NEBL: variants seen among roughly 807,000 people sequenced by gnomAD.
The protein encoded by NEBL is nebulette.
A neutral mutation model predicts 140.2 loss-of-function variants in NEBL; 122 were observed. The ratio of observed to expected loss-of-function variants is 0.87; its 90% CI spans 0.75 to 1.01. NEBL has a LOEUF of 1.01. Ranked by LOEUF, NEBL falls within the 50% of genes least tolerant of loss-of-function variation. NEBL has a pLI of 0.00. For missense variants in NEBL, 1,365 were observed against 1,231.3 expected (o/e 1.11, Z -1.62); for synonymous variants, 436 against 398.9 (o/e 1.09, Z -1.11).
intron 26 of NEBL, among the ~76,000 whole-genome samples, chr10:20,807,033 A>G (rs879889448): frequency 5.9e-5 from 9 of 152,156 alleles, no homozygotes; most frequent in African/African-American, 1.2e-4. Context: ...CGTCCAAAAA[A>G]AGTAATCAGA....
At position 21,173,822 on chromosome 10, in the gene NEBL, C is replaced by T. The variant is rs1421679117; in HGVS notation, c.12G>A (p.Gln4=). The T allele has an allele frequency of 6.2e-7, 1 of 1,612,494 alleles. No individual in the cohort carries two copies. Among genetic ancestry groups the T allele is most frequent in the Admixed American group, 1.7e-5 (1 of 60,004 alleles). The change falls in exon 1 of 7, where the codon CAG becomes CAA. Residue 4 remains glutamine, a synonymous_variant. Coordinates refer to the NEBL transcript ENST00000417816. This position sits in a 1 kb window ranked among gnomAD's most constrained non-coding sequence, Gnocchi z 5.7. ...ACACGACTTTTCCGCAACGGGCGCACTGGGGGTTCATGATCGCGGTTCCCG... is the reference window on the plus strand; with the variant it reads ...ACACGACTTTTCCGCAACGGGCGCATTGGGGGTTCATGATCGCGGTTCCCG...
intron 2 of NEBL, among the ~76,000 whole-genome samples, chr10:21,068,617 G>A (rs1037194194): frequency 3.9e-5 from 6 of 152,128 alleles, no homozygotes; most frequent in South Asian, 4.1e-4. Flanking sequence ...CATAGACCCC[G>A]GACCCATGGG....
intron 3 of NEBL, among the ~76,000 whole-genome samples, chr10:21,214,450 CAT>C (rs910248770): frequency 2.0e-5 from 3 of 152,096 alleles, no homozygotes; most frequent in Admixed American, 2.0e-4. Context: ...CCCATACACA[CAT>C]GGCACACACA....
intron 3 of NEBL, among the ~76,000 whole-genome samples, chr10:21,205,942 T>G (rs573728478): frequency 1.3e-5 from 2 of 152,226 alleles, no homozygotes; most frequent in Non-Finnish European, 2.9e-5. Context: ...AATGCATCAG[T>G]AGGACTGCTA....
chr10:21,281,820 C>T (rs1842997407), intron 1 of NEBL, among the ~76,000 whole-genome samples: 1 of 152,182 alleles, frequency 6.6e-6, no homozygotes, highest in African/African-American at 2.4e-5. Flanking sequence ...CTGTCCTCCC[C>T]CTTCTCATCC....
rs867653069 is a variant in NEBL, at chr10:20,785,848, C to T, written c.2944G>A (p.Val982Ile). Residue 982 changes from valine to isoleucine, a missense_variant, in exon 28 of 28, where the codon GTC becomes ATC. Physicochemically the swap from Val to Ile is conservative, Grantham distance 29. This residue lies in a region of NEBL where 42 missense variants were observed against 76.5 expected (regional missense o/e 0.55). Transcript: ENST00000377122. ...EVSFRDGDYI[V>I]NVQPIDDGWM... ...CCATCGTCAATAGGCTGCACGTTGA[C>T]GATGTAGTCGCCGTCTCTAAAGGAG... The T allele has an allele frequency of 6.2e-6, 10 of 1,613,936 alleles. No individual in the cohort carries two copies. The highest frequency in any genetic ancestry group is 8.5e-6 in the Non-Finnish European group (10 of 1,179,986).
intron 3 of NEBL, among the ~76,000 whole-genome samples, chr10:20,987,604 T>C (rs1195803734): frequency 6.6e-6 from 1 of 152,154 alleles, no homozygotes; most frequent in East Asian, 1.9e-4. Context: ...CCAATAGCTG[T>C]GCTGCCTCCC....
intron 2 of NEBL, among the ~76,000 whole-genome samples, chr10:21,052,802 C>T (rs1319105114): frequency 1.3e-5 from 2 of 152,138 alleles, no homozygotes; most frequent in Non-Finnish European, 2.9e-5. Context: ...GGGAGGGCCA[C>T]CGGTGGTGCA....
At chr10:21,227,540 C>A (rs1441527773) in intron 3 of NEBL, among the ~76,000 whole-genome samples, 1 of 152,244 alleles carries the variant, frequency 6.6e-6, no homozygotes, top group African/African-American at 2.4e-5. Context: ...ACTTTCCACC[C>A]TCTCTGGCTG....
intron 2 of NEBL, among the ~76,000 whole-genome samples, chr10:21,112,490 C>T (rs1486932648): frequency 7.0e-6 from 1 of 143,584 alleles, no homozygotes; most frequent in Non-Finnish European, 1.5e-5. Context: ...ATCACAAGGA[C>T]AGAATACCAA....
intron 3 of NEBL, among the ~76,000 whole-genome samples, chr10:20,983,160 C>T (rs1380454103): frequency 6.6e-6 from 1 of 152,148 alleles, no homozygotes; most frequent in Non-Finnish European, 1.5e-5. Flanking sequence ...AGAAGCATGT[C>T]TCTTCACTTA....
At chr10:20,795,538 GGA>G (rs1479235881) in intron 26 of NEBL, among the ~76,000 whole-genome samples, 1 of 149,408 alleles carries the variant, frequency 6.7e-6, no homozygotes, top group African/African-American at 2.5e-5. Flanking sequence ...AAGTCTCTGG[GGA>G]GAGAGAGTGT....
intron 1 of NEBL, among the ~76,000 whole-genome samples, chr10:21,265,994 G>C (rs999025641): frequency 1.8e-4 from 28 of 152,160 alleles, no homozygotes; most frequent in African/African-American, 5.3e-4. Context: ...ATCCGTCATT[G>C]GTTAAAAATT....
At chr10:21,070,494 A>C (rs1431196002) in intron 2 of NEBL, among the ~76,000 whole-genome samples, 3 of 152,146 alleles carry the variant, frequency 2.0e-5, no homozygotes, top group African/African-American at 7.2e-5. Flanking sequence ...TCCTACTTGG[A>C]CTAAATCATG....
chr10:21,056,465 T>C (rs1835029791), intron 2 of NEBL, among the ~76,000 whole-genome samples: 1 of 152,048 alleles, frequency 6.6e-6, no homozygotes, highest in South Asian at 2.1e-4. Context: ...TAGGAAAAGG[T>C]TTTGGAGAAG....
chr10:20,826,646 G>T (rs1839906292), intron 17 of NEBL, 107 bp from the exon 18 acceptor site: 9 of 816,766 alleles, frequency 1.1e-5, no homozygotes, highest in South Asian at 5.7e-5. Flanking sequence ...TATGAATACT[G>T]CATCTATTTA....
chr10:21,126,068 C>A lies in NEBL; in HGVS notation c.164+46315G>T, dbSNP rs539284105. 5.1e-5 allele frequency: 82 copies of A among 1,614,142 alleles called. 2 individuals carry two copies. In the South Asian group the frequency reaches 7.9e-4, roughly 16 times the overall value. On this transcript the variant is annotated intron_variant, in intron 2 of 6. Transcript: ENST00000417816. ...CTTTGCAGCCTTCTGGTCTCCCCAA[C>A]CAGCTTCCTGGGAGGCCTCAGGCCC...
At chr10:21,081,417 A>G (rs1326556992) in intron 2 of NEBL, among the ~76,000 whole-genome samples, 1 of 152,178 alleles carries the variant, frequency 6.6e-6, no homozygotes, top group Non-Finnish European at 1.5e-5. Flanking sequence ...ACACATAGAA[A>G]AAACCAGGAG....
chr10:21,244,033 T>A (rs1034822903), intron 3 of NEBL, among the ~76,000 whole-genome samples: 1 of 152,048 alleles, frequency 6.6e-6, no homozygotes, highest in Admixed American at 6.6e-5. Flanking sequence ...ATGTTTTTTA[T>A]CAAGATGTGA....
Sources: gnomAD v4.1 joint callset for allele counts (sites outside exome capture counted in the v4.1 genomes callset) on GRCh38, gnomAD v4.1.1 for gene constraint, gnomAD v4.1.1 regional missense constraint, Gnocchi (gnomAD v3.1) non-coding constraint, MANE v1.5 for transcripts, NCBI Gene and HGNC (gene_info 2026-07-23, HGNC 2026-07-21) for gene names.